STX12: variants seen among roughly 807,000 people sequenced by gnomAD.
STX12 encodes syntaxin 12.
A neutral mutation model predicts 42.2 loss-of-function variants in STX12; 17 were observed. That is an observed-to-expected ratio of 0.40 (90% CI 0.28 to 0.60). STX12 has a LOEUF of 0.60. Among genes scored for constraint, STX12 ranks in the 20% least tolerant of loss-of-function variants. STX12 has a pLI of 0.39. For missense variants in STX12, 297 were observed against 330.9 expected, an observed-to-expected ratio of 0.90 and a Z score of 0.79; for synonymous variants, 108 against 116.7, an observed-to-expected ratio of 0.93 and a Z score of 0.48.
rs182872387 is a variant in STX12 at position 27,803,980 on chromosome 1, G to A, written c.426+2165G>A. Among the ~76,000 whole-genome samples, 513 of 150,634 alleles carry A rather than the reference G, an allele frequency of 3.4e-3. 5 individuals carry two copies. Among genetic ancestry groups the A allele is most frequent in the African/African-American group, 0.012 (481 of 40,990 alleles). ...TGTGCCCCTGTGCTCCAGCCTGGGC[G>A]ACACAACAAGATTGTATCTCAAAAA... On this transcript the variant is annotated intron_variant, in intron 4 of 8. Coordinates refer to ENST00000373943, the MANE Select transcript of STX12 (RefSeq NM_177424.3).
rs2088907191 is a variant in STX12 at position 27,812,143 on chromosome 1, G to T, written c.471-20G>T. 1 of 1,546,138 alleles carries T rather than the reference G, an allele frequency of 6.5e-7. No homozygotes were observed. The highest frequency in any genetic ancestry group is 8.8e-7 in the Non-Finnish European group (1 of 1,141,676). ...TGCCTTTGAGAGGAGAAATCACCTAGTGTGCCTGTTTCCCTGCAGCCATGA... is the reference window on the plus strand; with the variant it reads ...TGCCTTTGAGAGGAGAAATCACCTATTGTGCCTGTTTCCCTGCAGCCATGA... On this transcript the variant is annotated intron_variant, in intron 5 of 8. Coordinates refer to ENST00000373943, the MANE Select transcript of STX12 (RefSeq NM_177424.3).
At chr1:27,790,085 C>T (rs576084817) in intron 2 of STX12, among the ~76,000 whole-genome samples, 1 of 152,222 alleles carries the variant, frequency 6.6e-6, no homozygotes, top group African/African-American at 2.4e-5. Flanking sequence ...AAAGGAAGGT[C>T]TCTACTGAAG....
intron 3 of STX12, among the ~76,000 whole-genome samples, chr1:27,799,477 G>GTTTTTTTTTGTTTTTTTT (rs2088811549): frequency 7.7e-6 from 1 of 130,714 alleles, no homozygotes; most frequent in African/African-American, 3.2e-5. Flanking sequence ...TCATTAGCTT[G>GTTTTTTTTTGTTTTTTTT]TTTTTTTTTT....
chr1:27,807,910 G>A (rs1571529229), intron 4 of STX12, among the ~76,000 whole-genome samples: 1 of 152,232 alleles, frequency 6.6e-6, no homozygotes, highest in Middle Eastern at 3.4e-3. Flanking sequence ...AATCTGGAAT[G>A]ATTCAAAAAA....
chr1:27,817,595 T>C (rs940145277), intron 6 of STX12, among the ~76,000 whole-genome samples: 2 of 152,242 alleles, frequency 1.3e-5, no homozygotes, highest in Non-Finnish European at 2.9e-5. Context: ...CCTTCTGCTG[T>C]ACTGTTTGGA....
chr1:27,796,106 T>A (rs1460949055), intron 3 of STX12, among the ~76,000 whole-genome samples: 2 of 152,262 alleles, frequency 1.3e-5, no homozygotes, highest in African/African-American at 4.8e-5. Context: ...ATGCATGCTG[T>A]TGTTCCTTTC....
Position 27,822,441 on chromosome 1 carries a change from C to A in STX12, c.*112C>A. On this transcript the variant is annotated 3_prime_UTR_variant, in exon 9 of 9. Coordinates refer to ENST00000373943, the MANE Select transcript of STX12 (RefSeq NM_177424.3). ...AGCATATATCAGAACGTCCTGTAAT[C>A]ATTTAGTTAGAAACTAACTACTAAC... 1 of 705,500 alleles carries A rather than the reference C, an allele frequency of 1.4e-6. No homozygotes were observed. The allele number at this position is 705,500 out of a possible 1,614,324, so 43.7% of individuals were successfully genotyped here.
At chr1:27,811,626 C>T (rs1462337473) in intron 5 of STX12, among the ~76,000 whole-genome samples, 5 of 151,616 alleles carry the variant, frequency 3.3e-5, no homozygotes, top group South Asian at 4.2e-4. Context: ...CATGAGCCAC[C>T]GCGCCTGGCC....
intron 2 of STX12, among the ~76,000 whole-genome samples, chr1:27,792,187 T>TAC (rs1491351860): frequency 1.1e-5 from 1 of 91,672 alleles, no homozygotes; most frequent in Non-Finnish European, 1.8e-5. Flanking sequence ...TATATGTATC[T>TAC]ATATATGTAT....
chr1:27,780,209 GTTT>G (rs199499561), intron 1 of STX12, among the ~76,000 whole-genome samples: 2 of 125,948 alleles, frequency 1.6e-5, no homozygotes, highest in Admixed American at 8.0e-5. Context: ...TTCTTTGCTT[GTTT>G]TTTTTTTTTT....
At chr1:27,799,718 G>C (rs895612345) in intron 3 of STX12, among the ~76,000 whole-genome samples, 1 of 151,872 alleles carries the variant, frequency 6.6e-6, no homozygotes, top group Admixed American at 6.6e-5. Context: ...TCCTGGCCTC[G>C]TGATCTGCCT....
At chr1:27,822,048 A>C (rs573597726) in intron 8 of STX12, among the ~76,000 whole-genome samples, 183 bp from the exon 9 acceptor site, 1 of 152,166 alleles carries the variant, frequency 6.6e-6, no homozygotes, top group East Asian at 1.9e-4. Context: ...ACAAACAAAA[A>C]ACACTTGCAC....
rs1279854685 is a variant in STX12 at position 27,806,437 on chromosome 1, C to A, written c.427-3809C>A. On this transcript the variant is annotated intron_variant, in intron 4 of 8. Coordinates refer to ENST00000373943, the MANE Select transcript of STX12 (RefSeq NM_177424.3). ...TAGTTCAGCCTGCAGTTCCATTACA[C>A]AAGTGCTTTTCCTAGAGACAGACAT... Among the ~76,000 whole-genome samples the A allele has an allele frequency of 3.3e-5, 5 of 152,316 alleles. No individual in the cohort carries two copies. The South Asian group carries it at 6.2e-4, about 19-fold the overall frequency.
At chr1:27,814,318 C>A (rs1006219041) in intron 6 of STX12, among the ~76,000 whole-genome samples, 4 of 151,182 alleles carry the variant, frequency 2.6e-5, no homozygotes. Context: ...ATTGCTTGAG[C>A]CCAGGAATTC....
chr1:27,802,420 T>G (rs1425982143), intron 4 of STX12, among the ~76,000 whole-genome samples: 1 of 152,132 alleles, frequency 6.6e-6, no homozygotes, highest in Non-Finnish European at 1.5e-5. Context: ...GACTATATCC[T>G]TAGAACATTA....
At position 27,795,111 on chromosome 1, in the gene STX12, G is replaced by A. The variant is rs754739948; in HGVS notation, c.288+1479G>A. On this transcript the variant is annotated intron_variant, in intron 3 of 8. Coordinates refer to ENST00000373943, the MANE Select transcript of STX12 (RefSeq NM_177424.3). ...GACAAAGCCTTTCAACTTCCCTGTCGTGGGTTGTTTTTCAAAGTATGGGTT... is the reference window on the plus strand; with the variant it reads ...GACAAAGCCTTTCAACTTCCCTGTCATGGGTTGTTTTTCAAAGTATGGGTT... Among the ~76,000 whole-genome samples, 5 of 152,136 alleles carry A rather than the reference G, an allele frequency of 3.3e-5. 1 individual carries two copies. In the East Asian group the frequency reaches 9.6e-4, roughly 29 times the overall value.
In STX12 at chr1:27,819,664, A is replaced by C. The variant is rs749719506; in HGVS notation, c.664A>C (p.Asn222His). The C allele has an allele frequency of 3.1e-6, 5 of 1,613,764 alleles. No individual in the cohort carries two copies. In the African/African-American group the frequency reaches 6.7e-5, roughly 22 times the overall value. ...TCCTTTTGCAGATAGCATAGAAGCC[A>C]ATGTGGAAAGCTCAGAGGTGCACGT... ...QGDLIDSIEA[N>H]VESSEVHVER... Residue 222 changes from asparagine to histidine, a missense_variant, in exon 8 of 9, where the codon AAT (asparagine) becomes CAT (histidine). Transcript: ENST00000373943.
chr1:27,806,425 A>C lies in STX12; in HGVS notation c.427-3821A>C, dbSNP rs557458374. Among the ~76,000 whole-genome samples, 182 of 152,364 alleles carry C rather than the reference A, an allele frequency of 1.2e-3. 1 individual carries two copies. The highest frequency in any genetic ancestry group is 1.7e-3 in the Non-Finnish European group (119 of 68,038). On this transcript the variant is annotated intron_variant, in intron 4 of 8. Coordinates refer to ENST00000373943, the MANE Select transcript of STX12 (RefSeq NM_177424.3). Reference sequence around the variant, plus strand: ...AAAAAAAGTGGCTAGTTCAGCCTGCAGTTCCATTACACAAGTGCTTTTCCT... The same window carrying C: ...AAAAAAAGTGGCTAGTTCAGCCTGCCGTTCCATTACACAAGTGCTTTTCCT...
chr1:27,822,272 G>A lies in STX12; in HGVS notation c.774G>A (p.Leu258=), dbSNP rs1455297539. 2 of 1,613,746 alleles carry A rather than the reference G, an allele frequency of 1.2e-6. No individual in the cohort carries two copies. The highest frequency in any genetic ancestry group is 1.7e-5 in the Admixed American group (1 of 60,014). ...RKKMCILVLV[L]SVIILILGLI... Reference sequence around the variant, plus strand: ...AGATGTGTATCCTGGTGCTTGTCCTGTCAGTGATTATTCTAATCTTGGGAC... The same window carrying A: ...AGATGTGTATCCTGGTGCTTGTCCTATCAGTGATTATTCTAATCTTGGGAC... Residue 258 remains leucine, a synonymous_variant, in exon 9 of 9, where the codon CTG becomes CTA. Coordinates refer to ENST00000373943, the MANE Select transcript of STX12 (RefSeq NM_177424.3).
Sources: allele counts gnomAD v4.1 joint callset (sites outside exome capture counted in the v4.1 genomes callset), GRCh38; gene constraint gnomAD v4.1.1; transcripts MANE v1.5; gene names NCBI Gene and HGNC (gene_info 2026-07-23, HGNC 2026-07-21).